Variants in COL5A2 observed in about 807,000 individuals in gnomAD.
The protein encoded by COL5A2 is collagen type V alpha 2 chain.
COL5A2 carries 23 observed loss-of-function variants against 208.2 expected under a neutral mutation model. The ratio of observed to expected loss-of-function variants is 0.11; its 90% CI spans 0.08 to 0.16. The LOEUF is 0.16. Ranked by LOEUF, COL5A2 falls within the 10% of genes least tolerant of loss-of-function variation. COL5A2 has a pLI of 1.00. For synonymous variants in COL5A2, 625 were observed against 628.5 expected (o/e 0.99, Z 0.08); for missense variants, 1,590 against 1,956.4 (o/e 0.81, Z 3.53).
At chr2:189,104,783 T>C (rs1687118538) in intron 2 of COL5A2, among the ~76,000 whole-genome samples, 2 of 151,892 alleles carry the variant, frequency 1.3e-5, no homozygotes, top group African/African-American at 2.4e-5. Context: ...AAGTTTAGTT[T>C]GGAATATTTA....
intron 6 of COL5A2, among the ~76,000 whole-genome samples, chr2:189,093,544 C>G (rs548106659): frequency 6.6e-6 from 1 of 152,038 alleles, no homozygotes; most frequent in South Asian, 2.1e-4. Context: ...CATAGCTATT[C>G]AGAAATTTAA....
chr2:189,095,848 C>T (rs907418928), intron 6 of COL5A2: 38 of 151,772 alleles, frequency 2.5e-4, no homozygotes, highest in African/African-American at 8.5e-4. Context: ...CTAGGAGAGA[C>T]ATCTGGAGAC....
At chr2:189,281,617 A>G in the COL5A2 span, among the ~76,000 whole-genome samples, 8 of 152,208 alleles carry the variant, frequency 5.3e-5, no homozygotes, top group Admixed American at 5.2e-4. Flanking sequence ...CTATGATCAG[A>G]ATGATTGCCA....
intron 1 of COL5A2, among the ~76,000 whole-genome samples, chr2:189,118,592 T>C (rs1426671016): frequency 6.6e-6 from 1 of 152,136 alleles, no homozygotes; most frequent in South Asian, 2.1e-4. Flanking sequence ...TTGATCCCAT[T>C]CATTTCAGTA....
chr2:189,251,572 C>A, the COL5A2 span, among the ~76,000 whole-genome samples: 2 of 152,050 alleles, frequency 1.3e-5, no homozygotes, highest in Admixed American at 6.5e-5. Context: ...AACCTGTCAT[C>A]CAATGTCTTT....
intron 1 of COL5A2, among the ~76,000 whole-genome samples, chr2:189,140,800 T>C (rs963881811): frequency 6.6e-6 from 1 of 152,180 alleles, no homozygotes; most frequent in Non-Finnish European, 1.5e-5. Context: ...GTAAGTAATA[T>C]ATTTTTCTAA....
At chr2:189,240,688 C>T in the COL5A2 span, among the ~76,000 whole-genome samples, 21 of 152,136 alleles carry the variant, frequency 1.4e-4, 1 homozygote, top group Admixed American at 1.4e-3. Flanking sequence ...TGTTTTTCAC[C>T]AGTCCTATTG....
At chr2:189,197,791 T>C (rs1416413046) in intron 1 of COL5A2, among the ~76,000 whole-genome samples, 1 of 151,840 alleles carries the variant, frequency 6.6e-6, no homozygotes, top group African/African-American at 2.4e-5. Flanking sequence ...AAATTACCAG[T>C]ATGGCCAGAT....
At chr2:189,312,820 ACT>A in the COL5A2 span, among the ~76,000 whole-genome samples, 164 of 151,596 alleles carry the variant, frequency 1.1e-3, 3 homozygotes, top group East Asian at 0.029. Flanking sequence ...ACTAGAAAAG[ACT>A]CTCAGCATAC....
the COL5A2 span, among the ~76,000 whole-genome samples, chr2:189,421,672 C>T: frequency 3.9e-5 from 6 of 152,102 alleles, no homozygotes; most frequent in African/African-American, 1.2e-4. Context: ...TCAATGACTG[C>T]CCAGGGACCA....
intron 1 of COL5A2, among the ~76,000 whole-genome samples, chr2:189,143,928 C>A (rs984433646): frequency 1.3e-5 from 2 of 151,972 alleles, no homozygotes; most frequent in East Asian, 3.9e-4. Flanking sequence ...TATATAGCTG[C>A]AGAACTGGAA....
At chr2:189,187,969 A>AAAAAAAG (rs1257245314) in intron 1 of COL5A2, among the ~76,000 whole-genome samples, 1 of 14,230 alleles carries the variant, frequency 7.0e-5, no homozygotes, top group East Asian at 4.2e-3. Flanking sequence ...ACTCTGTCTC[A>AAAAAAAG]AAAAAAAAAG....
intron 1 of COL5A2, among the ~76,000 whole-genome samples, chr2:189,128,701 G>T (rs373958420): frequency 1.9e-4 from 29 of 151,956 alleles, no homozygotes; most frequent in African/African-American, 6.7e-4. Flanking sequence ...AATTACTATC[G>T]TCCTCACAAT....
the COL5A2 span, among the ~76,000 whole-genome samples, chr2:189,401,590 T>C: frequency 2.0e-5 from 3 of 152,150 alleles, no homozygotes; most frequent in Non-Finnish European, 2.9e-5. Context: ...CAGTAATGGG[T>C]TGATGGGTCA....
At chr2:189,409,204 C>CTTTTTTTTT in the COL5A2 span, among the ~76,000 whole-genome samples, 1 of 92,084 alleles carries the variant, frequency 1.1e-5, no homozygotes, top group Non-Finnish European at 2.1e-5. Context: ...TAAATTTACT[C>CTTTTTTTTT]TTTTTTTTTT....
chr2:189,147,536 G>A lies in COL5A2; in HGVS notation c.97+31972C>T, dbSNP rs1001762609. 2.6e-5 allele frequency among the ~76,000 whole-genome samples: 4 copies of A among 152,250 alleles called. No homozygotes were observed. The East Asian group carries it at 7.7e-4, about 29-fold the overall frequency. On this transcript the variant is annotated intron_variant, in intron 1 of 53. Coordinates refer to ENST00000374866, the MANE Select transcript of COL5A2 (RefSeq NM_000393.5). ...GAGGGAAAATGATGCTTGAATACTT[G>A]TATGACTAGGTTCATACAAAAACTG... is the stretch of plus-strand genomic sequence containing the variant.
chr2:189,091,597 A>G (rs891059618), intron 7 of COL5A2, among the ~76,000 whole-genome samples: 1 of 152,284 alleles, frequency 6.6e-6, no homozygotes, highest in South Asian at 2.1e-4. Flanking sequence ...TTTTTTAGAC[A>G]TAATGCTATT....
At chr2:189,405,576 A>G in the COL5A2 span, among the ~76,000 whole-genome samples, 1 of 152,206 alleles carries the variant, frequency 6.6e-6, no homozygotes, top group Non-Finnish European at 1.5e-5. Flanking sequence ...AACTTGTTTA[A>G]GATTATTGCA....
At chr2:189,324,611 A>G in the COL5A2 span, among the ~76,000 whole-genome samples, 1 of 5,710 alleles carries the variant, frequency 1.8e-4, no homozygotes, top group Non-Finnish European at 3.8e-3. Context: ...CTAAACCACA[A>G]ATGAGATATC....
Sources: gnomAD v4.1 joint callset for allele counts (sites outside exome capture counted in the v4.1 genomes callset) on GRCh38, gnomAD v4.1.1 for gene constraint, MANE v1.5 for transcripts, NCBI Gene and HGNC (gene_info 2026-07-23, HGNC 2026-07-21) for gene names.